PARD3B: variants seen among roughly 807,000 people sequenced by gnomAD.
PARD3B encodes partitioning defective 3 homolog B.
PARD3B carries 103 observed loss-of-function variants against 130.2 expected under a neutral mutation model. The ratio of observed to expected loss-of-function variants is 0.79; its 90% CI spans 0.67 to 0.93. PARD3B has a LOEUF of 0.93. Ranked by LOEUF, PARD3B falls within the 40% of genes least tolerant of loss-of-function variation. The pLI is 0.00. For missense variants in PARD3B, 1,609 were observed against 1,499.2 expected, an observed-to-expected ratio of 1.07 and a Z score of -1.21; for synonymous variants, 583 against 553.2, an observed-to-expected ratio of 1.05 and a Z score of -0.76.
At chr2:205,448,087 G>C (rs572358076) in intron 20 of PARD3B, among the ~76,000 whole-genome samples, 12 of 152,314 alleles carry the variant, frequency 7.9e-5, no homozygotes, top group Middle Eastern at 6.8e-3. Context: ...AAATGACCTT[G>C]AGAAGTTTCT....
chr2:205,486,450 T>A (rs750993962), intron 20 of PARD3B, among the ~76,000 whole-genome samples: 1 of 152,096 alleles, frequency 6.6e-6, no homozygotes. Context: ...ATCAGTCCAT[T>A]CTAGCACTAA....
At chr2:205,182,860 A>G (rs2035870282) in intron 13 of PARD3B, among the ~76,000 whole-genome samples, 1 of 152,072 alleles carries the variant, frequency 6.6e-6, no homozygotes, top group African/African-American at 2.4e-5. Context: ...GTAGATGGGG[A>G]AAGGAAGAGA....
In PARD3B at chr2:205,361,417, G is replaced by A. The variant is rs114404116; in HGVS notation, c.2631-39596G>A. ...TCACCCAGATCTCCCTACTCTTCTGGACAGTGCTGAGTACACACTGACGAA... is the reference window on the plus strand; with the variant it reads ...TCACCCAGATCTCCCTACTCTTCTGAACAGTGCTGAGTACACACTGACGAA... On this transcript the variant is annotated intron_variant, in intron 18 of 22. Transcript: ENST00000406610. Among the ~76,000 whole-genome samples the A allele has an allele frequency of 5.1e-3, 776 of 152,226 alleles. 2 individuals are homozygous for A. The highest frequency in any genetic ancestry group is 0.018 in the African/African-American group (749 of 41,536).
chr2:204,566,386 C>T (rs1358895422), intron 1 of PARD3B, among the ~76,000 whole-genome samples: 1 of 152,110 alleles, frequency 6.6e-6, no homozygotes, highest in African/African-American at 2.4e-5. Flanking sequence ...CTAACTTATC[C>T]AGCAGGCCTT....
chr2:204,907,382 A>G lies in PARD3B; in HGVS notation c.223-57770A>G, dbSNP rs189209433. ...GTCTTTGAAAGTTGTAAATTTTAGT[A>G]CACCTTCATTTACATTTCTATTTGA... On this transcript the variant is annotated intron_variant, in intron 2 of 22. Transcript: ENST00000406610. This position sits in a 1 kb window ranked among gnomAD's most constrained non-coding sequence, Gnocchi z 5.7. Among the ~76,000 whole-genome samples the G allele has an allele frequency of 6.6e-6, 1 of 152,200 alleles. No individual in the cohort carries two copies. Among genetic ancestry groups the G allele is most frequent in the Non-Finnish European group, 1.5e-5 (1 of 68,028 alleles).
intron 22 of PARD3B, among the ~76,000 whole-genome samples, chr2:205,611,327 A>T (rs1046823855): frequency 6.6e-6 from 1 of 152,206 alleles, no homozygotes; most frequent in Non-Finnish European, 1.5e-5. Context: ...TAGCAAATGT[A>T]GGAAGATGTC....
intron 2 of PARD3B, among the ~76,000 whole-genome samples, chr2:204,902,268 T>C (rs1349335684): frequency 6.6e-6 from 1 of 152,190 alleles, no homozygotes; most frequent in Non-Finnish European, 1.5e-5. Context: ...TGGTCTTTGT[T>C]CTCTACTCAC....
intron 1 of PARD3B, among the ~76,000 whole-genome samples, chr2:204,613,876 T>G (rs762552571): frequency 3.3e-5 from 5 of 152,178 alleles, no homozygotes; most frequent in Non-Finnish European, 5.9e-5. Flanking sequence ...TTTATTTATG[T>G]TAGTCTCCTC....
intron 18 of PARD3B, among the ~76,000 whole-genome samples, chr2:205,353,618 C>T (rs2044072253): frequency 1.3e-5 from 2 of 152,162 alleles, no homozygotes; most frequent in African/African-American, 4.8e-5. Flanking sequence ...TGTTGAGAAT[C>T]TTGGTGATAT....
chr2:204,749,246 AG>A (rs1427669168), intron 2 of PARD3B, among the ~76,000 whole-genome samples: 1 of 152,132 alleles, frequency 6.6e-6, no homozygotes, highest in Non-Finnish European at 1.5e-5. Context: ...ATGGTTTCTA[AG>A]GGTATTGAAG....
At chr2:205,385,920 A>T (rs2045645307) in intron 18 of PARD3B, among the ~76,000 whole-genome samples, 1 of 152,218 alleles carries the variant, frequency 6.6e-6, no homozygotes, top group South Asian at 2.1e-4. Flanking sequence ...ATTAATTTTT[A>T]AAAAACATGA....
At chr2:205,111,814 A>C (rs956499690) in intron 5 of PARD3B, among the ~76,000 whole-genome samples, 4 of 152,226 alleles carry the variant, frequency 2.6e-5, no homozygotes, top group Non-Finnish European at 5.9e-5. Flanking sequence ...GTGACTAAGC[A>C]AAGCTTGAAT....
intron 1 of PARD3B, among the ~76,000 whole-genome samples, chr2:204,655,712 A>T (rs1259622564): frequency 1.3e-5 from 2 of 152,100 alleles, no homozygotes; most frequent in Non-Finnish European, 2.9e-5. Flanking sequence ...ATGTGTTTAA[A>T]TCTGTTGTGG....
Position 205,529,192 on chromosome 2 carries a change from G to A in PARD3B, c.3181-24132G>A, listed in dbSNP as rs183642237. ...GCATGGACTGGGGATCTGCTTTGAT[G>A]TCTGCTGAAAGAAAATAGCTGACAG... On this transcript the variant is annotated intron_variant, in intron 21 of 22. Transcript: ENST00000406610. 1.6e-4 allele frequency among the ~76,000 whole-genome samples: 24 copies of A among 152,306 alleles called. No homozygotes were observed. The East Asian group carries it at 4.6e-3, about 29-fold the overall frequency.
intron 2 of PARD3B, among the ~76,000 whole-genome samples, chr2:204,932,040 G>A (rs533019663): frequency 1.1e-4 from 17 of 152,028 alleles, no homozygotes; most frequent in Non-Finnish European, 2.4e-4. Flanking sequence ...TACATTTGCC[G>A]AATTCTAGTT....
At chr2:204,657,893 A>G (rs970162444) in intron 1 of PARD3B, among the ~76,000 whole-genome samples, 24 of 152,180 alleles carry the variant, frequency 1.6e-4, no homozygotes, top group Non-Finnish European at 4.4e-5. Flanking sequence ...AAAAAAAGTA[A>G]GAACTTTTTT....
intron 15 of PARD3B, among the ~76,000 whole-genome samples, chr2:205,228,256 G>A: frequency 6.6e-6 from 1 of 152,144 alleles, no homozygotes; most frequent in Non-Finnish European, 1.5e-5. Context: ...TCAGATTGAA[G>A]AACTCCCTTT....
Position 205,007,388 on chromosome 2 carries a change from G to A in PARD3B, c.395-40193G>A, listed in dbSNP as rs375862257. On this transcript the variant is annotated intron_variant, in intron 3 of 22. Transcript: ENST00000406610. Reference sequence around the variant, plus strand: ...GGATAGGATGAGAGATGGCGATCCAGATTCATTCTTCTACATGTGGCTTGC... The same window carrying A: ...GGATAGGATGAGAGATGGCGATCCAAATTCATTCTTCTACATGTGGCTTGC... Among the ~76,000 whole-genome samples the A allele has an allele frequency of 3.9e-5, 6 of 152,304 alleles. No homozygotes were observed. In the South Asian group the frequency reaches 1.2e-3, roughly 32 times the overall value.
At chr2:205,532,350 G>A (rs1423881118) in intron 21 of PARD3B, among the ~76,000 whole-genome samples, 1 of 152,146 alleles carries the variant, frequency 6.6e-6, no homozygotes, top group Non-Finnish European at 1.5e-5. Flanking sequence ...GTCATAAAAG[G>A]CAAAACTGTT....
Sources: gnomAD v4.1 joint callset for allele counts (sites outside exome capture counted in the v4.1 genomes callset) on GRCh38, gnomAD v4.1.1 for gene constraint, Gnocchi (gnomAD v3.1) non-coding constraint, MANE v1.5 for transcripts, NCBI Gene and HGNC (gene_info 2026-07-23, HGNC 2026-07-21) for gene names.